Variants in TTYH2 observed in about 807,000 individuals in gnomAD.
The protein encoded by TTYH2 is protein tweety homolog 2.
In TTYH2, 49 loss-of-function variants were observed where a neutral mutation model predicts 68.3. That is an observed-to-expected ratio of 0.72 (90% CI 0.57 to 0.91). TTYH2 has a LOEUF of 0.91. TTYH2 is among the 40% of genes least tolerant of loss of function. The pLI is 0.00. For synonymous variants in TTYH2, 272 were observed against 300.8 expected (o/e 0.90, Z 0.99); for missense variants, 631 against 700.4 (o/e 0.90, Z 1.12).
At position 74,250,320 on chromosome 17, in the gene TTYH2, A is replaced by G. The variant is rs139685298; in HGVS notation, c.1079A>G (p.Gln360Arg). ...AACTCCTCAGAGTCCAGCCTTCACC[A>G]GCTGACCGCCATGGTGGACTGCCGA... ...LLNSSESSLHQLTAMVDCRGL... is the reference protein window; with the variant it reads ...LLNSSESSLHRLTAMVDCRGL... The change falls in exon 10 of 14, where the codon CAG (glutamine) becomes CGG (arginine). Residue 360 changes from glutamine (Q) to arginine (R), a missense_variant. By Grantham distance (43) the Gln-to-Arg change is conservative. Coordinates refer to ENST00000269346, the MANE Select transcript of TTYH2 (RefSeq NM_032646.6). 1 of 1,613,634 alleles carries G rather than the reference A, an allele frequency of 6.2e-7. No homozygotes were observed. The highest frequency in any genetic ancestry group is 1.3e-5 in the African/African-American group (1 of 74,912).
chr17:74,240,480 C>T (rs528058996), intron 4 of TTYH2, among the ~76,000 whole-genome samples: 5 of 151,930 alleles, frequency 3.3e-5, no homozygotes, highest in Non-Finnish European at 7.4e-5. Flanking sequence ...AGGTTGGCAC[C>T]TATGGCGCCT....
Position 74,222,785 on chromosome 17 carries a change from TC to T in TTYH2, c.302+131del. 8.8e-7 allele frequency: 1 copy of T among 1,140,014 alleles called. No individual in the cohort carries two copies. Among genetic ancestry groups the T allele is most frequent in the South Asian group, 1.8e-5 (1 of 56,872 alleles). 70.6% of individuals were successfully genotyped at this position (1,140,014 alleles called of 1,614,324 possible). A position where few individuals can be genotyped will look rare whatever the true frequency, so the allele number is the denominator to read the frequency against. ...AAAGCTTGTCCCCAGATGAATGTTG[TC>T]CCTTTTTTTTTTTTTACCAAGCATC... On this transcript the variant is annotated intron_variant, in intron 2 of 13. Coordinates refer to ENST00000269346, the MANE Select transcript of TTYH2 (RefSeq NM_032646.6). The surrounding 1 kb of genome is among the most constrained non-coding windows in gnomAD (Gnocchi z 5.2).
At chr17:74,243,910 T>TGGGGGGGGGGGGGG in intron 5 of TTYH2, 67 bp from the exon 6 acceptor site, 1 of 1,158,936 alleles carries the variant, frequency 8.6e-7, no homozygotes, top group Non-Finnish European at 1.1e-6. Flanking sequence ...GGGGGCAGGG[T>TGGGGGGGGGGGGGG]GGGTGGGGTG....
At chr17:74,216,732 A>G (rs912476468) in intron 1 of TTYH2, among the ~76,000 whole-genome samples, 11 of 152,210 alleles carry the variant, frequency 7.2e-5, no homozygotes, top group Admixed American at 6.5e-5. Context: ...GGACGAGGGC[A>G]CCTTGGCCCT....
chr17:74,246,635 G>C (rs1437811237), intron 6 of TTYH2, among the ~76,000 whole-genome samples: 1 of 152,100 alleles, frequency 6.6e-6, no homozygotes, highest in African/African-American at 2.4e-5. Context: ...CCTCCTTCCT[G>C]TCCCCTCTCC....
At chr17:74,227,166 G>A (rs2050338848) in intron 2 of TTYH2, among the ~76,000 whole-genome samples, 1 of 152,102 alleles carries the variant, frequency 6.6e-6, no homozygotes, top group Non-Finnish European at 1.5e-5. Context: ...GTAGAGATGG[G>A]GTTTTGCCAT....
Position 74,245,297 on chromosome 17 carries a change from G to T in TTYH2, c.804+1248G>T, listed in dbSNP as rs573459378. ...AAGTCATGTTTGAAAGCATGCAGGA[G>T]CTGGGACGGCTGTAAACAGTGCCAC... On this transcript the variant is annotated intron_variant, in intron 6 of 13. Transcript: ENST00000269346. 1.3e-4 allele frequency among the ~76,000 whole-genome samples: 20 copies of T among 152,398 alleles called. 1 individual carries two copies. Among genetic ancestry groups the T allele is most frequent in the African/African-American group, 4.8e-4 (20 of 41,596 alleles).
intron 3 of TTYH2, among the ~76,000 whole-genome samples, chr17:74,237,044 A>G (rs1043257805): frequency 2.0e-5 from 3 of 151,896 alleles, no homozygotes; most frequent in Admixed American, 6.6e-5. Context: ...CTATAGGTAC[A>G]TGCCACCACA....
intron 2 of TTYH2, among the ~76,000 whole-genome samples, chr17:74,226,648 T>C (rs986968244): frequency 3.3e-5 from 5 of 152,124 alleles, no homozygotes; most frequent in Non-Finnish European, 4.4e-5. Flanking sequence ...GCTCTGCTGA[T>C]GTGATTCCAC....
At chr17:74,216,447 G>GGT (rs2050222761) in intron 1 of TTYH2, among the ~76,000 whole-genome samples, 1 of 152,142 alleles carries the variant, frequency 6.6e-6, no homozygotes, top group Non-Finnish European at 1.5e-5. Context: ...GTGCAGAGAT[G>GGT]GTGAAGAGCA....
intron 6 of TTYH2, among the ~76,000 whole-genome samples, chr17:74,247,428 C>T (rs981582343): frequency 6.6e-6 from 1 of 152,138 alleles, no homozygotes; most frequent in Non-Finnish European, 1.5e-5. Flanking sequence ...CTCACTGAGT[C>T]CCACACCCCA....
chr17:74,253,856 C>G (rs1412447301), intron 13 of TTYH2, 23 bp downstream of exon 13: 8 of 1,612,530 alleles, frequency 5.0e-6, no homozygotes, highest in East Asian at 4.5e-5. Flanking sequence ...CTGGCCCTTC[C>G]TTGTTGGGGT....
chr17:74,259,973 T>C (rs1159378567), intron 13 of TTYH2, among the ~76,000 whole-genome samples, 156 bp from the exon 14 acceptor site: 1 of 152,112 alleles, frequency 6.6e-6, no homozygotes, highest in Non-Finnish European at 1.5e-5. Context: ...TATTTGAGGC[T>C]GGGAGGCAGA....
chr17:74,253,724 C>A (rs1264980986), intron 12 of TTYH2, 31 bp from the exon 13 acceptor site: 1 of 1,610,358 alleles, frequency 6.2e-7, no homozygotes. Flanking sequence ...CCCACACCAT[C>A]CCCTCCTGAG....
chr17:74,258,789 A>G (rs2050718290), intron 13 of TTYH2, among the ~76,000 whole-genome samples: 1 of 151,944 alleles, frequency 6.6e-6, no homozygotes, highest in African/African-American at 2.4e-5. Flanking sequence ...AGTTGTGACA[A>G]CCAGAATATC....
intron 6 of TTYH2, 112 bp from the exon 7 acceptor site, chr17:74,248,899 C>T: frequency 6.4e-7 from 1 of 1,563,476 alleles, no homozygotes. Context: ...CTGTCCTTTG[C>T]CACCTGGGAG....
rs1187371713 is a variant in TTYH2 at position 74,215,640 on chromosome 17, G to A, written c.129+1924G>A. The A allele has an allele frequency of 2.0e-6, 3 of 1,535,724 alleles. No homozygotes were observed. In the South Asian group the frequency reaches 3.6e-5, roughly 18 times the overall value. Reference sequence around the variant, plus strand: ...CCCTCACCACCACTCAGATCGCTGAGTAGGAGATGAGCGTGGTGGGCCAGG... The same window carrying A: ...CCCTCACCACCACTCAGATCGCTGAATAGGAGATGAGCGTGGTGGGCCAGG... On this transcript the variant is annotated intron_variant, in intron 1 of 13. Coordinates refer to ENST00000269346, the MANE Select transcript of TTYH2 (RefSeq NM_032646.6). This position sits in a 1 kb window ranked among gnomAD's most constrained non-coding sequence, Gnocchi z 4.3.
intron 1 of TTYH2, among the ~76,000 whole-genome samples, chr17:74,220,304 G>A (rs1314434252): frequency 1.3e-5 from 2 of 151,988 alleles, no homozygotes; most frequent in Non-Finnish European, 2.9e-5. Context: ...TGAAGAAAAA[G>A]TTAAGCTACT....
rs147021821 is a variant in TTYH2, at chr17:74,230,246, G to A, written c.303-642G>A. ...TGTATGATATGGTAATGGTGGACAC[G>A]TCATTTTTTCATTTTTTTTTTTAAT... On this transcript the variant is annotated intron_variant, in intron 2 of 13. Coordinates refer to ENST00000269346, the MANE Select transcript of TTYH2 (RefSeq NM_032646.6). Among the ~76,000 whole-genome samples, 176 of 136,142 alleles carry A rather than the reference G, an allele frequency of 1.3e-3. 3 individuals carry two copies. The East Asian group carries it at 0.013, about 10-fold the overall frequency. The allele number at this position is 136,142 out of a possible 152,430, so 89.3% of individuals were successfully genotyped here. A position where few individuals can be genotyped will look rare whatever the true frequency, so the allele number is the denominator to read the frequency against.
Sources: allele counts gnomAD v4.1 joint callset (sites outside exome capture counted in the v4.1 genomes callset), GRCh38; gene constraint gnomAD v4.1.1; non-coding constraint Gnocchi (gnomAD v3.1); transcripts MANE v1.5; gene names NCBI Gene and HGNC (gene_info 2026-07-23, HGNC 2026-07-21).